The following POU2AF3 variants were observed in gnomAD, a reference collection of about 807,000 sequenced individuals.
POU2AF3 encodes cancer susceptibility candidate 13.
chr11:111,300,596 C>G, the POU2AF3 span: 19 of 1,231,940 alleles, frequency 1.5e-5, no homozygotes, highest in Non-Finnish European at 1.8e-5. Context: ...CAAAGACGGG[C>G]ACACCAGGCG....
the POU2AF3 span, chr11:111,308,368 T>G: frequency 6.4e-7 from 1 of 1,551,690 alleles, no homozygotes; most frequent in Non-Finnish European, 8.7e-7. Context: ...GTGTGGACTT[T>G]GCCCCCTCAG....
chr11:111,298,914 C>A, the POU2AF3 span: 219 of 1,079,236 alleles, frequency 2.0e-4, no homozygotes, highest in Non-Finnish European at 2.4e-4. Context: ...ACGGGGGGAG[C>A]TAGAGGCTCA....
At chr11:111,306,046 G>A in the POU2AF3 span, among the ~76,000 whole-genome samples, 6 of 152,188 alleles carry the variant, frequency 3.9e-5, no homozygotes, top group East Asian at 1.9e-4. Context: ...AGAGGTTTAC[G>A]TGAACTGCCG....
chr11:111,306,929 T>G, the POU2AF3 span, among the ~76,000 whole-genome samples: 4 of 152,230 alleles, frequency 2.6e-5, no homozygotes, highest in African/African-American at 9.6e-5. Flanking sequence ...TTTTAAACTG[T>G]AAAGTCAAGA....
chr11:111,307,876 T>C, the POU2AF3 span, among the ~76,000 whole-genome samples: 3 of 152,238 alleles, frequency 2.0e-5, no homozygotes, highest in Admixed American at 6.5e-5. Context: ...TAGGTAACTA[T>C]AGATTGTGGT....
At chr11:111,301,756 C>T in the POU2AF3 span, among the ~76,000 whole-genome samples, 1 of 152,090 alleles carries the variant, frequency 6.6e-6, no homozygotes, top group Non-Finnish European at 1.5e-5. Flanking sequence ...CATACAAAGC[C>T]GTTAGAAGAA....
the POU2AF3 span, among the ~76,000 whole-genome samples, chr11:111,306,056 G>A: frequency 1.4e-3 from 212 of 152,304 alleles, 2 homozygotes; most frequent in Middle Eastern, 0.014. Context: ...GTGAACTGCC[G>A]GTAGGGGCTG....
the POU2AF3 span, chr11:111,308,673 AC>A: frequency 2.8e-6 from 1 of 353,888 alleles, no homozygotes. Context: ...CAATTGTTTT[AC>A]TTTTTGTATA....
At chr11:111,304,182 AT>A in the POU2AF3 span, among the ~76,000 whole-genome samples, 1 of 152,168 alleles carries the variant, frequency 6.6e-6, no homozygotes, top group Non-Finnish European at 1.5e-5. Flanking sequence ...ACATGTGAAT[AT>A]TTTTAGCTAC....
the POU2AF3 span, chr11:111,298,905 C>T: frequency 9.1e-7 from 1 of 1,102,354 alleles, no homozygotes; most frequent in Non-Finnish European, 1.1e-6. Context: ...GAAGCTGCTA[C>T]GGGGGGAGCT....
chr11:111,307,514 C>A, the POU2AF3 span, among the ~76,000 whole-genome samples: 2 of 152,198 alleles, frequency 1.3e-5, no homozygotes, highest in African/African-American at 2.4e-5. Context: ...TAGGTTTTCT[C>A]AGTAACAATT....
At chr11:111,298,826 G>GCGGGGGGGGCCC in the POU2AF3 span, 28 of 790,958 alleles carry the variant, frequency 3.5e-5, no homozygotes, top group South Asian at 6.7e-5. Flanking sequence ...CGTACCCCAG[G>GCGGGGGGGGCCC]CCCCCGCCCG....
At chr11:111,300,439 G>A in the POU2AF3 span, 1 of 468,560 alleles carries the variant, frequency 2.1e-6, no homozygotes, top group Non-Finnish European at 3.4e-6. Flanking sequence ...CTTGGCTTTG[G>A]GTGCCATAGC....
the POU2AF3 span, chr11:111,308,293 A>G: frequency 1.9e-6 from 3 of 1,551,744 alleles, no homozygotes; most frequent in East Asian, 4.9e-5. Context: ...GCTACTGCGC[A>G]TCGTGTGAGG....
the POU2AF3 span, among the ~76,000 whole-genome samples, chr11:111,302,540 G>A: frequency 1.8e-4 from 27 of 152,116 alleles, no homozygotes; most frequent in Non-Finnish European, 2.8e-4. Flanking sequence ...TTCTTAGCTC[G>A]CTACAGGAGC....
the POU2AF3 span, chr11:111,306,565 C>T: frequency 6.4e-7 from 1 of 1,551,782 alleles, no homozygotes; most frequent in Middle Eastern, 1.7e-4. Context: ...ACACAAAGTG[C>T]TCCACACCAT....
chr11:111,308,328 C>T, the POU2AF3 span: 8 of 1,551,742 alleles, frequency 5.2e-6, no homozygotes, highest in South Asian at 2.4e-5. Flanking sequence ...GCTCTCCAGG[C>T]AGCAGAGTAC....
At chr11:111,308,519 T>A in the POU2AF3 span, 1 of 1,352,156 alleles carries the variant, frequency 7.4e-7, no homozygotes, top group East Asian at 2.5e-5. Context: ...AATATGCAAC[T>A]TGGTAACACA....
chr11:111,306,355 T>A, the POU2AF3 span: 1 of 1,270,022 alleles, frequency 7.9e-7, no homozygotes, highest in Non-Finnish European at 1.0e-6. Context: ...TGTTTTGCAA[T>A]TTTTATGCAA....
Sources: allele counts gnomAD v4.1 joint callset (sites outside exome capture counted in the v4.1 genomes callset), GRCh38; gene constraint gnomAD v4.1.1; transcripts MANE v1.5; gene names NCBI Gene and HGNC (gene_info 2026-07-23, HGNC 2026-07-21).